Variants in CYP4A11 observed in about 807,000 individuals in gnomAD.
CYP4A11 encodes cytochrome P450 4A11.
A neutral mutation model predicts 57.7 loss-of-function variants in CYP4A11; 52 were observed. The observed-to-expected ratio is 0.90, with a 90% CI of 0.72 to 1.14. The LOEUF is 1.14. CYP4A11 is among the 50% of genes most tolerant of loss of function. The pLI, the probability that CYP4A11 is intolerant of heterozygous loss-of-function variation, is 0.00. For missense variants in CYP4A11, 641 were observed against 642.1 expected (o/e 1.00, Z 0.02); for synonymous variants, 228 against 247.1 (o/e 0.92, Z 0.72).
At position 46,930,062 on chromosome 1, in the gene CYP4A11, C is replaced by T; in HGVS notation, c.*53G>A. ...AGACAGAAAACAGGATATGGGCAGA[C>T]AGGAAGGGGACAGAAGCGGGGGTCA... is the stretch of plus-strand genomic sequence containing the variant. On this transcript the variant is annotated 3_prime_UTR_variant, in exon 12 of 12. Coordinates refer to ENST00000310638, the MANE Select transcript of CYP4A11 (RefSeq NM_000778.4). 1.3e-6 allele frequency: 2 copies of T among 1,556,864 alleles called. No individual in the cohort carries two copies. Among genetic ancestry groups the T allele is most frequent in the East Asian group, 4.6e-5 (2 of 43,900 alleles).
At position 46,938,068 on chromosome 1, in the gene CYP4A11, A is replaced by C. The variant is rs768154797; in HGVS notation, c.265T>G (p.Trp89Gly). The C allele has an allele frequency of 3.1e-6, 5 of 1,614,076 alleles. No individual in the cohort carries two copies. In the East Asian group the frequency reaches 1.1e-4, roughly 36 times the overall value. ...VETFPSACPHWLWGGKVRVQL... is the reference protein window; with the variant it reads ...VETFPSACPHGLWGGKVRVQL... ...ACACGAACTTTGCCTCCCCATAGCC[A>C]ATGAGGACAGGCACTTGGGAATGTC... Residue 89 changes from tryptophan (W) to glycine (G), a missense_variant, in exon 2 of 12, where the codon TGG becomes GGG. Transcript: ENST00000310638.
Position 46,934,462 on chromosome 1 carries a change from G to C in CYP4A11, c.888C>G (p.Leu296=). The part of the protein sequence containing the change: ...KRHLDFLDIL[L]LAKMENGSIL... ...TCCTACACATACTCACTTTGGCCAA[G>C]AGGAGGATATCCAGAAAATCCAAAT... Residue 296 remains leucine (L), a synonymous_variant, in exon 7 of 12, where the codon CTC becomes CTG. Transcript: ENST00000310638. 6.2e-7 allele frequency: 1 copy of C among 1,613,794 alleles called. No homozygotes were observed. The highest frequency in any genetic ancestry group is 1.1e-5 in the South Asian group (1 of 91,070).
chr1:46,933,908 G>C, intron 9 of CYP4A11, 38 bp downstream of exon 9: 1 of 1,612,916 alleles, frequency 6.2e-7, no homozygotes. Flanking sequence ...ACACGTCCCT[G>C]TGGAGAGTTT....
Position 46,941,417 on chromosome 1 carries a change from A to G in CYP4A11, c.17T>C (p.Leu6Pro), listed in dbSNP as rs1284603244. 2 of 1,614,080 alleles carry G rather than the reference A, an allele frequency of 1.2e-6. No homozygotes were observed. Among genetic ancestry groups the G allele is most frequent in the South Asian group, 2.2e-5 (2 of 91,072 alleles). Residue 6 changes from leucine (L) to proline (P), a missense_variant, in exon 1 of 12, where the codon CTG (leucine) becomes CCG (proline). Transcript: ENST00000310638. MSVSV[L>P]SPSRLLGDVS... ...ATCACCCAGGAGTCTGCTGGGGCTC[A>G]GCACAGAGACACTCATGGTGCAGCA... is the stretch of plus-strand genomic sequence containing the variant.
intron 6 of CYP4A11, 68 bp downstream of exon 6, chr1:46,934,932 T>G: frequency 1.3e-6 from 2 of 1,574,212 alleles, no homozygotes; most frequent in Non-Finnish European, 1.7e-6. Flanking sequence ...CTTCTCTGGC[T>G]GAGGAGTCAG....
Position 46,935,098 on chromosome 1 carries a change from C to CG in CYP4A11, c.691dup (p.Arg231ProfsTer10), listed in dbSNP as rs1681299503. On this transcript the variant is annotated frameshift_variant, in exon 6 of 12. Transcript: ENST00000310638. LOFTEE classifies it high-confidence loss of function. ...ATTCTGGTGAAAGGCATTCCTCACACGGGAAAAAACCAGGTTGTTCAGGTC... is the reference window on the plus strand; with the variant it reads ...ATTCTGGTGAAAGGCATTCCTCACACGGGGAAAAAACCAGGTTGTTCAGGTC... The CG allele has an allele frequency of 1.9e-6, 3 of 1,613,956 alleles. No homozygotes were observed. The highest frequency in any genetic ancestry group is 1.7e-5 in the Admixed American group (1 of 60,002).
chr1:46,929,974 T>A lies in CYP4A11; in HGVS notation c.*141A>T. 9.0e-7 allele frequency: 1 copy of A among 1,109,584 alleles called. No homozygotes were observed. Among genetic ancestry groups the A allele is most frequent in the African/African-American group, 1.6e-5 (1 of 62,964 alleles). 68.7% of individuals were successfully genotyped at this position (1,109,584 alleles called of 1,614,324 possible). A position where few individuals can be genotyped will look rare whatever the true frequency, so the allele number is the denominator to read the frequency against. ...AGCAGGTAGGGAGCCTGGAGAAAGG[T>A]GAGAGAGAGAAGGGCAGGCAGACTG... On this transcript the variant is annotated 3_prime_UTR_variant, in exon 12 of 12. Transcript: ENST00000310638.
At chr1:46,939,704 T>C (rs570388962) in intron 1 of CYP4A11, among the ~76,000 whole-genome samples, 1 of 152,016 alleles carries the variant, frequency 6.6e-6, no homozygotes, top group African/African-American at 2.4e-5. Flanking sequence ...GGAGGCCTTC[T>C]TGAAGGAGGT....
chr1:46,931,833 C>G (rs1681046971), intron 11 of CYP4A11: 1 of 846,380 alleles, frequency 1.2e-6, no homozygotes, highest in Non-Finnish European at 1.4e-6. Flanking sequence ...TCGTTTTTGC[C>G]TGTGTGTATG....
At position 46,939,165 on chromosome 1, in the gene CYP4A11, T is replaced by C. The variant is rs566200027; in HGVS notation, c.196-1028A>G. ...CTTTATTTCAACTGCTTCTAGTAAA[T>C]CAAAGCAACTGTCTACCACATAGGT... is the stretch of plus-strand genomic sequence containing the variant. On this transcript the variant is annotated intron_variant, in intron 1 of 11. Transcript: ENST00000310638. Among the ~76,000 whole-genome samples the C allele has an allele frequency of 4.1e-4, 63 of 152,328 alleles. 1 individual carries two copies. The South Asian group carries it at 0.012, about 30-fold the overall frequency.
chr1:46,932,925 A>T, intron 10 of CYP4A11, 58 bp downstream of exon 10: 1 of 1,614,090 alleles, frequency 6.2e-7, no homozygotes, highest in African/African-American at 1.3e-5. Flanking sequence ...AGGTGGAAGC[A>T]GGAGAAGGTA....
At chr1:46,932,910 C>T in intron 10 of CYP4A11, 73 bp from the exon 11 acceptor site, 1 of 1,614,014 alleles carries the variant, frequency 6.2e-7, no homozygotes, top group Non-Finnish European at 8.5e-7. Flanking sequence ...GGACAGGACT[C>T]CCAGAGGTGG....
intron 1 of CYP4A11, among the ~76,000 whole-genome samples, chr1:46,938,523 C>A (rs188576029): frequency 1.1e-3 from 172 of 152,232 alleles, no homozygotes; most frequent in Non-Finnish European, 2.1e-3. Context: ...TTACACAATG[C>A]CTTTATATAA....
At chr1:46,938,331 G>T (rs111349757) in intron 1 of CYP4A11, among the ~76,000 whole-genome samples, 194 bp from the exon 2 acceptor site, 1 of 152,122 alleles carries the variant, frequency 6.6e-6, no homozygotes, top group Non-Finnish European at 1.5e-5. Flanking sequence ...ATGAGCCCTC[G>T]CTCAATGCTG....
intron 11 of CYP4A11, chr1:46,931,749 T>C (rs567260450): frequency 2.6e-4 from 175 of 664,684 alleles, no homozygotes; most frequent in Non-Finnish European, 3.1e-4. Flanking sequence ...CTGTTCTGTG[T>C]AAGTGGACTC....
At chr1:46,938,186 T>G in intron 1 of CYP4A11, 49 bp from the exon 2 acceptor site, 1 of 1,610,894 alleles carries the variant, frequency 6.2e-7, no homozygotes, top group South Asian at 1.1e-5. Flanking sequence ...TTCTAGTCTT[T>G]GCAGCAGGAG....
At chr1:46,940,688 A>C in intron 1 of CYP4A11, 1 of 985,428 alleles carries the variant, frequency 1.0e-6, no homozygotes, top group Non-Finnish European at 1.2e-6. Flanking sequence ...TTACTTAGCC[A>C]GTTGGTCCCC....
chr1:46,937,383 G>T, intron 2 of CYP4A11, 37 bp from the exon 3 acceptor site: 3 of 1,607,166 alleles, frequency 1.9e-6, no homozygotes, highest in Non-Finnish European at 2.6e-6. Flanking sequence ...GAAACTAGGA[G>T]TTACTAAGAA....
intron 9 of CYP4A11, among the ~76,000 whole-genome samples, chr1:46,933,424 G>A (rs941905713): frequency 1.3e-5 from 2 of 152,140 alleles, no homozygotes; most frequent in Non-Finnish European, 2.9e-5. Context: ...GGAGATACCT[G>A]AATCTCAGAG....
Sources: gnomAD v4.1 joint callset for allele counts (sites outside exome capture counted in the v4.1 genomes callset) on GRCh38, gnomAD v4.1.1 for gene constraint, MANE v1.5 for transcripts, NCBI Gene and HGNC (gene_info 2026-07-23, HGNC 2026-07-21) for gene names.